LRRTM4: variants seen among roughly 807,000 people sequenced by gnomAD.
The protein encoded by LRRTM4 is leucine-rich repeat transmembrane neuronal protein 4.
A neutral mutation model predicts 47.6 loss-of-function variants in LRRTM4; 25 were observed. That is an observed-to-expected ratio of 0.53 (90% CI 0.38 to 0.73). The LOEUF (loss-of-function observed/expected upper bound fraction) is 0.73. LRRTM4 is among the 30% of genes least tolerant of loss of function. The probability of loss-of-function intolerance (pLI) is 0.00; values close to 1 mark genes in which losing one functional copy is unlikely to be tolerated. For missense variants in LRRTM4, 638 were observed against 713.4 expected, an observed-to-expected ratio of 0.89 and a Z score of 1.20; for synonymous variants, 311 against 269.5, an observed-to-expected ratio of 1.15 and a Z score of -1.51.
At chr2:77,232,541 A>G (rs1248808108) in intron 3 of LRRTM4, among the ~76,000 whole-genome samples, 1 of 152,176 alleles carries the variant, frequency 6.6e-6, no homozygotes, top group Non-Finnish European at 1.5e-5. Context: ...TCCTTCTTCC[A>G]CAGGCACCTA....
At chr2:76,930,211 A>G (rs531144343) in intron 3 of LRRTM4, among the ~76,000 whole-genome samples, 2 of 151,958 alleles carry the variant, frequency 1.3e-5, no homozygotes, top group South Asian at 2.1e-4. Flanking sequence ...TTCCACTGCA[A>G]CTCTATTACT....
At chr2:76,804,009 TAA>T (rs1675837351) in intron 3 of LRRTM4, among the ~76,000 whole-genome samples, 1 of 152,192 alleles carries the variant, frequency 6.6e-6, no homozygotes, top group Non-Finnish European at 1.5e-5. Flanking sequence ...CTTGAGGAAT[TAA>T]GCACTTTCTG....
At chr2:77,458,336 C>T (rs1251414118) in intron 3 of LRRTM4, among the ~76,000 whole-genome samples, 1 of 152,100 alleles carries the variant, frequency 6.6e-6, no homozygotes, top group Non-Finnish European at 1.5e-5. Flanking sequence ...CACCTTTCTG[C>T]CAAGTCGTTT....
At chr2:77,198,048 G>A (rs1407812444) in intron 3 of LRRTM4, among the ~76,000 whole-genome samples, 1 of 152,168 alleles carries the variant, frequency 6.6e-6, no homozygotes, top group Non-Finnish European at 1.5e-5. Flanking sequence ...AGGTCATGTT[G>A]CAGTATAGTA....
chr2:77,389,136 A>C (rs1673403765), intron 3 of LRRTM4, among the ~76,000 whole-genome samples: 1 of 152,134 alleles, frequency 6.6e-6, no homozygotes, highest in Non-Finnish European at 1.5e-5. Flanking sequence ...AAAAGTTTAC[A>C]ATCTTACTTT....
chr2:76,855,588 C>CA (rs2103988450), intron 3 of LRRTM4, among the ~76,000 whole-genome samples: 1 of 152,046 alleles, frequency 6.6e-6, no homozygotes, highest in South Asian at 2.1e-4. Flanking sequence ...ACAAAACTAC[C>CA]AAAAGGATGT....
chr2:76,884,347 C>T (rs1458115728), intron 3 of LRRTM4, among the ~76,000 whole-genome samples: 1 of 152,076 alleles, frequency 6.6e-6, no homozygotes, highest in Admixed American at 6.6e-5. Context: ...AGCTAGTTTT[C>T]AAAGCTTAGA....
chr2:76,969,823 T>C (rs1336139134), intron 3 of LRRTM4, among the ~76,000 whole-genome samples: 1 of 151,968 alleles, frequency 6.6e-6, no homozygotes, highest in African/African-American at 2.4e-5. Flanking sequence ...GAGTTGGCAA[T>C]GCTATCTCCA....
At chr2:77,002,368 C>T (rs911746283) in intron 3 of LRRTM4, among the ~76,000 whole-genome samples, 1 of 152,066 alleles carries the variant, frequency 6.6e-6, no homozygotes, top group African/African-American at 2.4e-5. Context: ...ATGCCCAATT[C>T]TTGGCTAGAG....
chr2:77,099,591 T>C (rs1670898322), intron 3 of LRRTM4, among the ~76,000 whole-genome samples: 1 of 151,126 alleles, frequency 6.6e-6, no homozygotes, highest in African/African-American at 2.4e-5. Context: ...GAGCTTATAA[T>C]GTTTTATTTT....
chr2:76,832,454 C>CTTTT (rs541805872), intron 3 of LRRTM4, among the ~76,000 whole-genome samples: 124 of 94,034 alleles, frequency 1.3e-3, no homozygotes, highest in East Asian at 2.1e-3. Context: ...CCTCGAAGGG[C>CTTTT]TTTTTTTTTT....
intron 3 of LRRTM4, among the ~76,000 whole-genome samples, chr2:76,958,999 G>A (rs190443714): frequency 6.6e-6 from 1 of 151,484 alleles, no homozygotes; most frequent in East Asian, 2.0e-4. Flanking sequence ...GCAGCCACAC[G>A]GTCATTGTTT....
intron 3 of LRRTM4, among the ~76,000 whole-genome samples, chr2:77,306,039 T>C (rs547448098): frequency 1.3e-5 from 2 of 152,264 alleles, no homozygotes; most frequent in East Asian, 3.9e-4. Flanking sequence ...CTTCTTAATG[T>C]TTACATGTTA....
At chr2:76,877,747 G>T (rs1351203771) in intron 3 of LRRTM4, among the ~76,000 whole-genome samples, 1 of 152,048 alleles carries the variant, frequency 6.6e-6, no homozygotes, top group African/African-American at 2.4e-5. Context: ...AACAACTGAG[G>T]ATCGAGCATT....
intron 3 of LRRTM4, among the ~76,000 whole-genome samples, chr2:77,486,527 T>A (rs1012382807): frequency 2.0e-5 from 3 of 152,294 alleles, no homozygotes; most frequent in Middle Eastern, 3.4e-3. Flanking sequence ...GGATCCAGTA[T>A]AATGGCATAT....
intron 3 of LRRTM4, among the ~76,000 whole-genome samples, chr2:77,353,402 T>G (rs1324660995): frequency 6.6e-6 from 1 of 152,194 alleles, no homozygotes; most frequent in Non-Finnish European, 1.5e-5. Context: ...TGTTTGTAAA[T>G]TCCTCAATGA....
chr2:77,025,860 C>CA (rs897716984), intron 3 of LRRTM4, among the ~76,000 whole-genome samples: 1 of 152,104 alleles, frequency 6.6e-6, no homozygotes, highest in Non-Finnish European at 1.5e-5. Flanking sequence ...CACATATACT[C>CA]AGCAGGAGAT....
chr2:76,920,969 C>G (rs1182434532), intron 3 of LRRTM4, among the ~76,000 whole-genome samples: 1 of 152,046 alleles, frequency 6.6e-6, no homozygotes, highest in African/African-American at 2.4e-5. Flanking sequence ...TACCCCTCAC[C>G]CTGTTTCTCC....
intron 3 of LRRTM4, among the ~76,000 whole-genome samples, chr2:77,507,814 T>C (rs1035176332): frequency 5.9e-5 from 9 of 152,034 alleles, no homozygotes; most frequent in African/African-American, 2.2e-4. Context: ...CAGAGTGGCA[T>C]AGACCTGGTG....
Sources: allele counts gnomAD v4.1 joint callset (sites outside exome capture counted in the v4.1 genomes callset), GRCh38; gene constraint gnomAD v4.1.1; transcripts MANE v1.5; gene names NCBI Gene and HGNC (gene_info 2026-07-23, HGNC 2026-07-21).